USP46: variants seen among roughly 807,000 people sequenced by gnomAD.
USP46 encodes ubiquitin specific peptidase 46.
USP46 carries 12 observed loss-of-function variants against 44.4 expected under a neutral mutation model. The ratio of observed to expected loss-of-function variants is 0.27; its 90% CI spans 0.17 to 0.44. The LOEUF (loss-of-function observed/expected upper bound fraction) is 0.44, where lower values mean the gene tolerates loss of function less well. Among genes scored for constraint, USP46 ranks in the 20% least tolerant of loss-of-function variants. USP46 has a pLI of 1.00. For missense variants in USP46, 248 were observed against 444.8 expected (o/e 0.56, Z 3.98); for synonymous variants, 155 against 161.5 (o/e 0.96, Z 0.31).
At chr4:52,640,419 A>C (rs1440714902) in intron 1 of USP46, among the ~76,000 whole-genome samples, 1 of 152,212 alleles carries the variant, frequency 6.6e-6, no homozygotes, top group East Asian at 1.9e-4. Flanking sequence ...CTTCAGCATC[A>C]GGGAGTAGGC....
intron 1 of USP46, among the ~76,000 whole-genome samples, chr4:52,637,218 G>A (rs1050689112): frequency 3.3e-5 from 5 of 152,102 alleles, no homozygotes; most frequent in African/African-American, 1.2e-4. Context: ...CTTCAAATCT[G>A]GCAAACTCCA....
At chr4:52,629,670 A>G (rs890747719) in intron 2 of USP46, 8 of 456,224 alleles carry the variant, frequency 1.8e-5, no homozygotes, top group African/African-American at 1.4e-4. Flanking sequence ...CTTGGCCCCA[A>G]TTCAGTGGAC....
intron 1 of USP46, among the ~76,000 whole-genome samples, chr4:52,656,826 G>A (rs1378118017): frequency 1.3e-5 from 2 of 151,864 alleles, no homozygotes; most frequent in Non-Finnish European, 2.9e-5. Flanking sequence ...GACCACTTGA[G>A]CCCAGGTATT....
chr4:52,619,208 A>G (rs915041568), intron 4 of USP46, among the ~76,000 whole-genome samples: 3 of 152,130 alleles, frequency 2.0e-5, no homozygotes, highest in African/African-American at 7.2e-5. Flanking sequence ...TAGTCTCTCC[A>G]AGTCTATTGC....
At chr4:52,644,583 TC>T (rs1352022353) in intron 1 of USP46, among the ~76,000 whole-genome samples, 1 of 151,984 alleles carries the variant, frequency 6.6e-6, no homozygotes, top group East Asian at 1.9e-4. Context: ...GGTTGCATAC[TC>T]CTTCTGAGAG....
chr4:52,635,737 C>G (rs1718090125), intron 1 of USP46, among the ~76,000 whole-genome samples: 1 of 152,156 alleles, frequency 6.6e-6, no homozygotes, highest in Non-Finnish European at 1.5e-5. Flanking sequence ...ACCCACACTG[C>G]CCCAAACATC....
chr4:52,602,445 G>C (rs1441358441), intron 6 of USP46, among the ~76,000 whole-genome samples: 1 of 152,188 alleles, frequency 6.6e-6, no homozygotes, highest in Non-Finnish European at 1.5e-5. Flanking sequence ...GCTGGGAAGA[G>C]GACAAGGTAG....
intron 1 of USP46, among the ~76,000 whole-genome samples, chr4:52,653,495 CAAAAAAAAAAAAAA>C (rs397880678): frequency 9.4e-5 from 5 of 53,016 alleles, no homozygotes; most frequent in African/African-American, 2.1e-4. Flanking sequence ...AACTCTATCT[CAAAAAAAAAAAAAA>C]AAAAAAAAAA....
At chr4:52,605,780 C>T (rs1716665176) in intron 5 of USP46, among the ~76,000 whole-genome samples, 1 of 152,194 alleles carries the variant, frequency 6.6e-6, no homozygotes. Flanking sequence ...CAGCAGTTTC[C>T]AGTGCACTTA....
rs763076709 is a variant in USP46 at position 52,597,287 on chromosome 4, T to C, written c.*353A>G. On this transcript the variant is annotated 3_prime_UTR_variant, in exon 9 of 9. Transcript: ENST00000441222. ...CATTGTAAGAAGACCCTGGAAGCCA[T>C]AGAAGTTTAGCAAACACCTAAAACA... 3 of 197,426 alleles carry C rather than the reference T, an allele frequency of 1.5e-5. No individual in the cohort carries two copies. Among genetic ancestry groups the C allele is most frequent in the Non-Finnish European group, 3.0e-5 (3 of 98,704 alleles). 12.2% of individuals were successfully genotyped at this position (197,426 alleles called of 1,614,324 possible).
intron 3 of USP46, among the ~76,000 whole-genome samples, chr4:52,626,812 T>C (rs1294885718): frequency 1.3e-5 from 2 of 152,164 alleles, no homozygotes; most frequent in South Asian, 2.1e-4. Context: ...CTACCAAAAG[T>C]TCTATTTGTT....
chr4:52,643,949 G>C (rs149000496), intron 1 of USP46, among the ~76,000 whole-genome samples: 3 of 152,324 alleles, frequency 2.0e-5, no homozygotes, highest in African/African-American at 7.2e-5. Flanking sequence ...TTTAGCTACA[G>C]ATGTAAGGCT....
Position 52,646,257 on chromosome 4 carries a change from A to G in USP46, c.36+12858T>C, listed in dbSNP as rs559596980. Among the ~76,000 whole-genome samples the G allele has an allele frequency of 3.5e-4, 53 of 152,310 alleles. No homozygotes were observed. The East Asian group carries it at 3.7e-3, about 11-fold the overall frequency. The stretch of plus-strand genomic sequence containing the variant: ...GCACTGCAGGAGTCAACATGCCTCA[A>G]TGCACTTGTGCGGCAACCCGGCCCT... On this transcript the variant is annotated intron_variant, in intron 1 of 8. Coordinates refer to ENST00000441222, the MANE Select transcript of USP46 (RefSeq NM_022832.4).
chr4:52,621,761 C>T (rs1379482188), intron 4 of USP46, among the ~76,000 whole-genome samples: 1 of 152,156 alleles, frequency 6.6e-6, no homozygotes, highest in East Asian at 1.9e-4. Context: ...TGCCCTATGG[C>T]CAGCAATTCT....
chr4:52,620,537 T>C (rs1033882109), intron 4 of USP46, among the ~76,000 whole-genome samples: 4 of 152,096 alleles, frequency 2.6e-5, no homozygotes, highest in South Asian at 2.1e-4. Context: ...GGCTTTTACA[T>C]AGCAAATGTG....
chr4:52,612,544 C>T (rs1716974160), intron 4 of USP46, among the ~76,000 whole-genome samples: 1 of 152,234 alleles, frequency 6.6e-6, no homozygotes, highest in South Asian at 2.1e-4. Context: ...CCAGATCAAG[C>T]ATTTGTGAAA....
At chr4:52,611,493 C>A (rs1716933130) in intron 4 of USP46, among the ~76,000 whole-genome samples, 1 of 152,210 alleles carries the variant, frequency 6.6e-6, no homozygotes, top group Non-Finnish European at 1.5e-5. Flanking sequence ...ATGAAAACAA[C>A]ATTCTTTTTA....
intron 1 of USP46, among the ~76,000 whole-genome samples, chr4:52,634,308 A>G (rs1184587406): frequency 1.3e-5 from 2 of 150,262 alleles, no homozygotes; most frequent in South Asian, 2.2e-4. Flanking sequence ...CAGGAGTTTG[A>G]GCCCAGCCTG....
At chr4:52,630,966 A>G (rs2109636876) in intron 2 of USP46, 98 bp downstream of exon 2, 3 of 984,978 alleles carry the variant, frequency 3.0e-6, no homozygotes, top group South Asian at 1.5e-5. Flanking sequence ...AGCATGACCA[A>G]TCATTTAAAA....
Sources: allele counts gnomAD v4.1 joint callset (sites outside exome capture counted in the v4.1 genomes callset), GRCh38; gene constraint gnomAD v4.1.1; transcripts MANE v1.5; gene names NCBI Gene and HGNC (gene_info 2026-07-23, HGNC 2026-07-21).